PCDH15: variants seen among roughly 807,000 people sequenced by gnomAD.
PCDH15 encodes the protein protocadherin-15.
A neutral mutation model predicts 178.5 loss-of-function variants in PCDH15; 129 were observed. The observed-to-expected ratio is 0.72, with a 90% confidence interval of 0.63 to 0.84. PCDH15 has a LOEUF of 0.84. PCDH15 is among the 40% of genes least tolerant of loss of function. The probability of loss-of-function intolerance (pLI) is 0.00; values close to 1 mark genes in which losing one functional copy is unlikely to be tolerated. For missense variants in PCDH15, 2,230 were observed against 2,099.9 expected, an observed-to-expected ratio of 1.06 and a Z score of -1.21; for synonymous variants, 800 against 732.0, an observed-to-expected ratio of 1.09 and a Z score of -1.50.
intron 20 of PCDH15, among the ~76,000 whole-genome samples, chr10:54,008,438 T>A (rs968759882): frequency 6.6e-6 from 1 of 152,284 alleles, no homozygotes; most frequent in Non-Finnish European, 1.5e-5. Flanking sequence ...AGAACTTTTT[T>A]AAAGAGGTAT....
At position 54,756,720 on chromosome 10, in the gene PCDH15, A is replaced by AAGAGAG. The variant is rs61202887; in HGVS notation, c.-29+44199_-29+44204dup. On this transcript the variant is annotated intron_variant, in intron 1 of 37. Transcript: ENST00000644397. Reference sequence around the variant, plus strand: ...TGTCTGTCTGTCTGTATGTATGTGAAAGAGAGAGAGAGAGAGAGAGAGAAA... The same window carrying AAGAGAG: ...TGTCTGTCTGTCTGTATGTATGTGAAAGAGAGAGAGAGAGAGAGAGAGAGAGAGAAA... Among the ~76,000 whole-genome samples the AAGAGAG allele has an allele frequency of 2.1e-3, 312 of 150,848 alleles. 2 individuals carry two copies. The East Asian group carries it at 0.025, about 12-fold the overall frequency.
At chr10:55,212,013 C>T (rs1033353654) in intron 1 of PCDH15, among the ~76,000 whole-genome samples, 2 of 152,030 alleles carry the variant, frequency 1.3e-5, no homozygotes, top group Admixed American at 1.3e-4. Context: ...GAAGCTTGCA[C>T]GGTGGAATGC....
chr10:55,193,167 C>T (rs1476220282), intron 1 of PCDH15, among the ~76,000 whole-genome samples: 1 of 151,640 alleles, frequency 6.6e-6, no homozygotes, highest in Admixed American at 6.6e-5. Context: ...AGGAATTTTT[C>T]CCCTCACGAG....
intron 29 of PCDH15, among the ~76,000 whole-genome samples, chr10:53,835,398 T>C (rs11003878): frequency 0.045 from 6,915 of 152,262 alleles, 238 homozygotes; most frequent in East Asian, 0.15. Context: ...TTTAAAGTAG[T>C]GTGTTCTGTT....
chr10:54,837,159 C>A (rs1345604058), intron 3 of PCDH15, among the ~76,000 whole-genome samples: 1 of 151,992 alleles, frequency 6.6e-6, no homozygotes, highest in Non-Finnish European at 1.5e-5. Context: ...TTTAAACCAT[C>A]TTGAAAGTTT....
intron 3 of PCDH15, among the ~76,000 whole-genome samples, chr10:54,425,219 G>C (rs1314441864): frequency 2.6e-5 from 4 of 152,066 alleles, no homozygotes; most frequent in Non-Finnish European, 5.9e-5. Flanking sequence ...TTTTTAAAGA[G>C]GGGATTGGAT....
In PCDH15 at chr10:53,914,682, G is replaced by A. The variant is rs528593830; in HGVS notation, c.3374-11312C>T. Among the ~76,000 whole-genome samples the A allele has an allele frequency of 8.5e-5, 13 of 152,222 alleles. No homozygotes were observed. In the South Asian group the frequency reaches 2.5e-3, roughly 29 times the overall value. Reference sequence around the variant, plus strand: ...TAATGTAAATGTCGAGTTAATGGGTGCAGCAAACCAACATGGCACATGTAT... The same window carrying A: ...TAATGTAAATGTCGAGTTAATGGGTACAGCAAACCAACATGGCACATGTAT... On this transcript the variant is annotated intron_variant, in intron 25 of 37. Transcript: ENST00000644397.
At chr10:54,003,012 T>C (rs1316638236) in intron 20 of PCDH15, among the ~76,000 whole-genome samples, 2 of 152,216 alleles carry the variant, frequency 1.3e-5, no homozygotes, top group African/African-American at 2.4e-5. Context: ...TAACACTCAC[T>C]GTGAAGGTCC....
rs1436345227 is a variant in PCDH15 at position 55,383,732 on chromosome 10, C to T, written c.-155-217081G>A. Among the ~76,000 whole-genome samples the T allele has an allele frequency of 2.6e-5, 4 of 152,062 alleles. No homozygotes were observed. In the South Asian group the frequency reaches 6.2e-4, roughly 24 times the overall value. The stretch of plus-strand genomic sequence containing the variant: ...ATGTATCTCTTGTTGCCTTGAATTG[C>T]TTTTTATCTTCTTTAAACATAACTG... On this transcript the variant is annotated intron_variant, in intron 2 of 5. Coordinates refer to the PCDH15 transcript ENST00000613346.
At chr10:54,957,048 C>T (rs763742176) in intron 2 of PCDH15, among the ~76,000 whole-genome samples, 45 of 151,708 alleles carry the variant, frequency 3.0e-4, no homozygotes, top group Middle Eastern at 6.8e-3. Context: ...TATAAGACTG[C>T]TATTTGTGTT....
At chr10:55,317,222 T>C (rs1843744890) in intron 1 of PCDH15, among the ~76,000 whole-genome samples, 1 of 152,186 alleles carries the variant, frequency 6.6e-6, no homozygotes, top group Non-Finnish European at 1.5e-5. Flanking sequence ...GATTAAATGT[T>C]AGTATACACA....
chr10:55,412,238 G>A (rs1288858911), intron 2 of PCDH15, among the ~76,000 whole-genome samples: 1 of 151,962 alleles, frequency 6.6e-6, no homozygotes, highest in African/African-American at 2.4e-5. Context: ...GGGGATTTGA[G>A]ATGCAGTTGA....
chr10:54,291,209 C>T (rs948592808), intron 8 of PCDH15, among the ~76,000 whole-genome samples: 1 of 152,154 alleles, frequency 6.6e-6, no homozygotes, highest in Admixed American at 6.6e-5. Context: ...GAAAAACCTG[C>T]TCCTGAATGA....
At chr10:53,889,323 T>A (rs2081394856) in intron 26 of PCDH15, among the ~76,000 whole-genome samples, 1 of 151,870 alleles carries the variant, frequency 6.6e-6, no homozygotes, top group Non-Finnish European at 1.5e-5. Flanking sequence ...AGATATGCAA[T>A]CCAGAGTATA....
At chr10:55,410,092 GTTA>G (rs921131508) in intron 2 of PCDH15, among the ~76,000 whole-genome samples, 5 of 151,968 alleles carry the variant, frequency 3.3e-5, no homozygotes, top group African/African-American at 4.8e-5. Flanking sequence ...TTATGCTTTT[GTTA>G]TTATTATTGT....
At chr10:54,282,889 G>T (rs988375456) in intron 8 of PCDH15, among the ~76,000 whole-genome samples, 2 of 151,954 alleles carry the variant, frequency 1.3e-5, no homozygotes, top group Admixed American at 6.6e-5. Context: ...TCAGTGCTTT[G>T]GGGGGCAGAA....
chr10:55,566,375 C>T (rs1230980181), intron 2 of PCDH15, among the ~76,000 whole-genome samples: 1 of 151,374 alleles, frequency 6.6e-6, no homozygotes, highest in African/African-American at 2.4e-5. Flanking sequence ...TCGTGAAAAA[C>T]TTAAGAGTTT....
intron 3 of PCDH15, among the ~76,000 whole-genome samples, chr10:54,444,319 G>C (rs746443752): frequency 7.9e-5 from 12 of 151,648 alleles, no homozygotes; most frequent in Non-Finnish European, 1.8e-4. Flanking sequence ...CATTCACATA[G>C]ACTATAGTGT....
intron 2 of PCDH15, among the ~76,000 whole-genome samples, chr10:55,393,088 C>A (rs1296119495): frequency 6.6e-6 from 1 of 151,474 alleles, no homozygotes; most frequent in Non-Finnish European, 1.5e-5. Context: ...CAGAGATCAT[C>A]TTGAATACTG....
Sources: gnomAD v4.1 joint callset for allele counts (sites outside exome capture counted in the v4.1 genomes callset) on GRCh38, gnomAD v4.1.1 for gene constraint, MANE v1.5 for transcripts, NCBI Gene and HGNC (gene_info 2026-07-23, HGNC 2026-07-21) for gene names.